Variants in SCNN1B observed in about 807,000 individuals in gnomAD.
SCNN1B encodes sodium channel epithelial 1 subunit beta, also known as epithelial sodium channel subunit beta.
Under a neutral mutation model 65.3 loss-of-function variants are expected in SCNN1B, and 46 were observed. The ratio of observed to expected loss-of-function variants is 0.70; its 90% confidence interval spans 0.56 to 0.90. The LOEUF is 0.90. Among genes scored for constraint, SCNN1B ranks in the 40% least tolerant of loss-of-function variants. The probability of loss-of-function intolerance (pLI) is 0.00; values close to 1 mark genes in which losing one functional copy is unlikely to be tolerated. For missense variants in SCNN1B, 751 were observed against 830.5 expected, an observed-to-expected ratio of 0.90 and a Z score of 1.18; for synonymous variants, 349 against 330.6, an observed-to-expected ratio of 1.06 and a Z score of -0.60.
At chr16:23,351,219 C>T (rs1008624653) in intron 2 of SCNN1B, among the ~76,000 whole-genome samples, 52 of 152,276 alleles carry the variant, frequency 3.4e-4, no homozygotes, top group African/African-American at 1.0e-3. Context: ...ATAATAGGAA[C>T]GACAGCACTC....
chr16:23,305,521 C>T lies in SCNN1B; in HGVS notation c.-9+3084C>T, dbSNP rs1379800033. ...GCAACATGGCAAAAACCCATCTCTA[C>T]CAAATATATATATTATATATATATA... On this transcript the variant is annotated intron_variant, in intron 1 of 12. Coordinates refer to ENST00000343070, the MANE Select transcript of SCNN1B (RefSeq NM_000336.3). Among the ~76,000 whole-genome samples the T allele has an allele frequency of 6.7e-4, 2 of 3,000 alleles. 1 individual carries two copies. The highest frequency in any genetic ancestry group is 1.4e-3 in the Non-Finnish European group (2 of 1,468). The allele number at this position is 3,000 out of a possible 152,430, so 2.0% of individuals were successfully genotyped here. A position where few individuals can be genotyped will look rare whatever the true frequency, so the allele number is the denominator to read the frequency against.
At chr16:23,362,097 C>A (rs199615921) in intron 4 of SCNN1B, among the ~76,000 whole-genome samples, 1 of 151,900 alleles carries the variant, frequency 6.6e-6, no homozygotes, top group Non-Finnish European at 1.5e-5. Flanking sequence ...GTAATCCCAG[C>A]ACTTTGGGAG....
At chr16:23,377,517 C>T (rs1024168227) in intron 10 of SCNN1B, 131 bp downstream of exon 10, 19 of 737,458 alleles carry the variant, frequency 2.6e-5, no homozygotes, top group Non-Finnish European at 2.3e-5. Flanking sequence ...TTCTCTGTTT[C>T]CCTCCTTCCT....
chr16:23,334,698 T>G (rs1455001722), intron 1 of SCNN1B, among the ~76,000 whole-genome samples: 1 of 152,236 alleles, frequency 6.6e-6, no homozygotes, highest in Non-Finnish European at 1.5e-5. Flanking sequence ...TGTTTCCCAT[T>G]TGAGAATATT....
intron 1 of SCNN1B, among the ~76,000 whole-genome samples, chr16:23,324,638 C>T (rs1462590412): frequency 3.9e-5 from 6 of 152,124 alleles, no homozygotes; most frequent in African/African-American, 7.2e-5. Flanking sequence ...TCTGGAATAC[C>T]GCATTTTATT....
chr16:23,365,242 A>G (rs1002659227), intron 4 of SCNN1B, among the ~76,000 whole-genome samples: 1 of 151,946 alleles, frequency 6.6e-6, no homozygotes, highest in Non-Finnish European at 1.5e-5. Context: ...CAGTGAACCA[A>G]TATCACGCCA....
chr16:23,316,502 A>G (rs1961469573), intron 1 of SCNN1B, among the ~76,000 whole-genome samples: 1 of 149,172 alleles, frequency 6.7e-6, no homozygotes, highest in African/African-American at 2.5e-5. Context: ...CACCATCACC[A>G]TCCTCACCAT....
At chr16:23,317,766 T>C (rs1311219150) in intron 1 of SCNN1B, among the ~76,000 whole-genome samples, 2 of 152,212 alleles carry the variant, frequency 1.3e-5, no homozygotes, top group African/African-American at 2.4e-5. Flanking sequence ...CGAAGGGCAA[T>C]GCTGTGCCAG....
intron 2 of SCNN1B, among the ~76,000 whole-genome samples, chr16:23,296,604 G>A (rs564330625): frequency 5.4e-4 from 82 of 152,242 alleles, no homozygotes; most frequent in African/African-American, 1.9e-3. Context: ...AAATATTGGA[G>A]ACAGAAAGAG....
chr16:23,377,474 A>C (rs559362368), intron 10 of SCNN1B, 88 bp downstream of exon 10: 10 of 1,257,102 alleles, frequency 8.0e-6, no homozygotes, highest in Non-Finnish European at 1.2e-5. Context: ...GGAAATTTGA[A>C]GGGGGTGCCT....
At chr16:23,337,800 C>T (rs1390543871) in intron 1 of SCNN1B, among the ~76,000 whole-genome samples, 1 of 152,054 alleles carries the variant, frequency 6.6e-6, no homozygotes, top group African/African-American at 2.4e-5. Context: ...GGCACAGTGG[C>T]TCATACCTGT....
chr16:23,355,748 A>G (rs1962407745), intron 4 of SCNN1B, among the ~76,000 whole-genome samples: 1 of 152,054 alleles, frequency 6.6e-6, no homozygotes, highest in Non-Finnish European at 1.5e-5. Flanking sequence ...GGGATAAGGA[A>G]GGAGGATTTG....
chr16:23,310,559 CCCAGCTACTT>C (rs1246469555), intron 1 of SCNN1B, among the ~76,000 whole-genome samples: 2 of 152,158 alleles, frequency 1.3e-5, no homozygotes, highest in Non-Finnish European at 2.9e-5. Context: ...TGGCACAAGT[CCCAGCTACTT>C]GGGATGCTGA....
chr16:23,294,245 A>G (rs1024658311), intron 2 of SCNN1B, among the ~76,000 whole-genome samples: 25 of 152,102 alleles, frequency 1.6e-4, no homozygotes, highest in African/African-American at 6.0e-4. Context: ...AAAATACAAA[A>G]ATTAGCCACG....
chr16:23,294,305 G>A (rs549409944), intron 2 of SCNN1B, among the ~76,000 whole-genome samples: 84 of 152,274 alleles, frequency 5.5e-4, no homozygotes, highest in African/African-American at 1.8e-3. Flanking sequence ...GCTGAGACAC[G>A]AGAATCACTT....
intron 1 of SCNN1B, among the ~76,000 whole-genome samples, chr16:23,315,997 C>G (rs1961446053): frequency 6.6e-6 from 1 of 151,662 alleles, no homozygotes; most frequent in South Asian, 2.1e-4. Context: ...TCGCCATCAT[C>G]ATCATCACCA....
chr16:23,317,197 G>A (rs1237243306), intron 1 of SCNN1B, among the ~76,000 whole-genome samples: 1 of 152,244 alleles, frequency 6.6e-6, no homozygotes, highest in Non-Finnish European at 1.5e-5. Flanking sequence ...AAATGGTGAT[G>A]ATCACAGTTC....
chr16:23,379,594 C>T (rs776064585), intron 11 of SCNN1B, among the ~76,000 whole-genome samples: 3 of 152,166 alleles, frequency 2.0e-5, no homozygotes, highest in Non-Finnish European at 2.9e-5. Context: ...AGGGGATGCC[C>T]ACACAGCCAC....
At chr16:23,365,634 A>G (rs1473731186) in intron 4 of SCNN1B, among the ~76,000 whole-genome samples, 5 of 151,408 alleles carry the variant, frequency 3.3e-5, no homozygotes, top group African/African-American at 1.2e-4. Flanking sequence ...GAAAGAAGTC[A>G]CATCTTGGAA....
Sources: allele counts gnomAD v4.1 joint callset (sites outside exome capture counted in the v4.1 genomes callset), GRCh38; gene constraint gnomAD v4.1.1; transcripts MANE v1.5; gene names NCBI Gene and HGNC (gene_info 2026-07-23, HGNC 2026-07-21).